Variants in ARMC8 observed in about 807,000 individuals in gnomAD.
The protein encoded by ARMC8 is armadillo repeat-containing protein 8.
A neutral mutation model predicts 99.3 loss-of-function variants in ARMC8; 20 were observed. The observed-to-expected ratio is 0.20, with a 90% CI of 0.14 to 0.29. ARMC8 has a LOEUF of 0.29. ARMC8 is among the 10% of genes least tolerant of loss of function. The pLI, the probability that ARMC8 is intolerant of heterozygous loss-of-function variation, is 1.00. For missense variants in ARMC8, 569 were observed against 809.5 expected, an observed-to-expected ratio of 0.70 and a Z score of 3.60; for synonymous variants, 263 against 278.3, an observed-to-expected ratio of 0.95 and a Z score of 0.55.
chr3:138,264,311 T>C, intron 14 of ARMC8, 99 bp downstream of exon 14: 2 of 868,924 alleles, frequency 2.3e-6, no homozygotes, highest in South Asian at 3.3e-5. Flanking sequence ...ATGTCTGATT[T>C]TTGTGTAGAG....
intron 3 of ARMC8, 145 bp from the exon 4 acceptor site, chr3:138,223,244 C>A: frequency 1.5e-6 from 1 of 656,690 alleles, no homozygotes; most frequent in South Asian, 2.2e-5. Context: ...CTTTAATTAG[C>A]AGATGAGATA....
intron 2 of ARMC8, among the ~76,000 whole-genome samples, chr3:138,218,348 A>G (rs2045198890): frequency 6.6e-6 from 1 of 152,044 alleles, no homozygotes. Context: ...CAAAAATATG[A>G]TTGCTCCTTA....
chr3:138,203,924 C>T (rs1323104077), intron 1 of ARMC8, among the ~76,000 whole-genome samples: 1 of 152,176 alleles, frequency 6.6e-6, no homozygotes, highest in Admixed American at 6.5e-5. Flanking sequence ...GATGGGTTTC[C>T]TGTCAAATTT....
intron 19 of ARMC8, among the ~76,000 whole-genome samples, chr3:138,284,858 A>G (rs1214030926): frequency 6.6e-6 from 1 of 152,156 alleles, no homozygotes; most frequent in Non-Finnish European, 1.5e-5. Flanking sequence ...CTTCAGTCCC[A>G]TGGTGGATGA....
At chr3:138,222,113 C>T (rs1242584454) in intron 3 of ARMC8, 116 bp downstream of exon 3, 1 of 706,856 alleles carries the variant, frequency 1.4e-6, no homozygotes, top group Admixed American at 3.0e-5. Context: ...TAAAATAAAT[C>T]CTATTTTTAA....
At chr3:138,255,601 T>C (rs1004549535) in intron 12 of ARMC8, among the ~76,000 whole-genome samples, 1 of 152,228 alleles carries the variant, frequency 6.6e-6, no homozygotes, top group Admixed American at 6.5e-5. Flanking sequence ...AGAAATACTT[T>C]GTCAAGTGTT....
Position 138,187,598 on chromosome 3 carries a change from C to T in ARMC8, c.44C>T (p.Ser15Leu). Residue 15 changes from serine to leucine, a missense_variant and splice_region_variant, in exon 1 of 22, where the codon TCG (serine) becomes TTG (leucine). Transcript: ENST00000469044. ...LETPIRMSVL[S>L]EVTASSRHYV... Reference sequence around the variant, plus strand: ...ACCCCAATCCGCATGAGCGTCCTTTCGGTGAGTGACCCGCCGCGGCCGCCC... The same window carrying T: ...ACCCCAATCCGCATGAGCGTCCTTTTGGTGAGTGACCCGCCGCGGCCGCCC... 1 of 1,535,634 alleles carries T rather than the reference C, an allele frequency of 6.5e-7. No homozygotes were observed. The highest frequency in any genetic ancestry group is 1.2e-5 in the South Asian group (1 of 84,058).
Position 138,241,897 on chromosome 3 carries a change from G to A in ARMC8, c.952G>A (p.Ala318Thr), listed in dbSNP as rs746896768. 3 of 1,614,012 alleles carry A rather than the reference G, an allele frequency of 1.9e-6. No individual in the cohort carries two copies. Among genetic ancestry groups the A allele is most frequent in the Non-Finnish European group, 2.5e-6 (3 of 1,179,950 alleles). ...ACCAGATGTTGAGCTACAGAGAATCGCTAGCATAACTGATCACCTCATTGC... is the reference window on the plus strand; with the variant it reads ...ACCAGATGTTGAGCTACAGAGAATCACTAGCATAACTGATCACCTCATTGC... ...IEPDVELQRI[A>T]SITDHLIAML... The change falls in exon 11 of 22, where the codon GCT (alanine) becomes ACT (threonine). Residue 318 changes from alanine to threonine, a missense_variant. Transcript: ENST00000469044.
At chr3:138,225,916 T>C (rs1293776375) in intron 5 of ARMC8, among the ~76,000 whole-genome samples, 1 of 152,198 alleles carries the variant, frequency 6.6e-6, no homozygotes, top group African/African-American at 2.4e-5. Context: ...CACTTAATGA[T>C]ACATAAGGTG....
Position 138,296,709 on chromosome 3 carries a change from A to G in ARMC8, c.*817A>G, listed in dbSNP as rs912737148. The G allele has an allele frequency of 1.3e-5, 2 of 152,218 alleles. No homozygotes were observed. The highest frequency in any genetic ancestry group is 2.9e-5 in the Non-Finnish European group (2 of 68,046). The allele number at this position is 152,218 out of a possible 1,614,324, so 9.4% of individuals were successfully genotyped here. A position where few individuals can be genotyped will look rare whatever the true frequency, so the allele number is the denominator to read the frequency against. On this transcript the variant is annotated 3_prime_UTR_variant, in exon 22 of 22. Transcript: ENST00000469044. ...GTAAGTTCTCAGGCTTCCAAGTCAA[A>G]TGGAGAAGTAAAGTGAGGCAACAGA...
At chr3:138,274,322 A>G in intron 17 of ARMC8, 127 bp from the exon 18 acceptor site, 1 of 632,826 alleles carries the variant, frequency 1.6e-6, no homozygotes, top group East Asian at 2.7e-5. Context: ...TTTGGCATCT[A>G]GTTCTATATG....
At chr3:138,203,128 A>G (rs557467490) in intron 1 of ARMC8, among the ~76,000 whole-genome samples, 1 of 152,296 alleles carries the variant, frequency 6.6e-6, no homozygotes, top group South Asian at 2.1e-4. Context: ...ATTAAAGACA[A>G]ACAAAAGGTG....
At chr3:138,267,041 G>A (rs941147583) in intron 14 of ARMC8, 114 bp from the exon 15 acceptor site, 5 of 616,700 alleles carry the variant, frequency 8.1e-6, no homozygotes, top group East Asian at 6.0e-5. Context: ...TCTCCAATAC[G>A]AAGAATCAGG....
At position 138,285,472 on chromosome 3, in the gene ARMC8, G is replaced by A. The variant is rs574441783; in HGVS notation, c.1821+946G>A. Among the ~76,000 whole-genome samples the A allele has an allele frequency of 9.3e-4, 142 of 152,206 alleles. 3 individuals are homozygous for A. The highest frequency in any genetic ancestry group is 3.2e-3 in the African/African-American group (132 of 41,522). ...CTGGCCACTTGAAGTTTCTCAAAAA[G>A]GCCACGTTCTTTCCTTCCTTGGGAC... On this transcript the variant is annotated intron_variant, in intron 19 of 21. Coordinates refer to ENST00000469044, the MANE Select transcript of ARMC8 (RefSeq NM_001363941.2).
intron 18 of ARMC8, among the ~76,000 whole-genome samples, chr3:138,278,427 C>T (rs2049524912): frequency 1.3e-5 from 2 of 151,912 alleles, no homozygotes; most frequent in African/African-American, 4.8e-5. Flanking sequence ...TCGCTTGAAC[C>T]TGGGAAGCAG....
At chr3:138,262,546 T>C in intron 12 of ARMC8, 2 of 1,612,632 alleles carry the variant, frequency 1.2e-6, no homozygotes, top group Non-Finnish European at 1.7e-6. Flanking sequence ...CATTTTAGTC[T>C]AGGTCAGTGA....
intron 17 of ARMC8, among the ~76,000 whole-genome samples, 189 bp from the exon 18 acceptor site, chr3:138,274,260 T>A (rs1005874902): frequency 6.6e-6 from 1 of 151,786 alleles, no homozygotes; most frequent in Non-Finnish European, 1.5e-5. Context: ...TGTGTGTGTG[T>A]ATGACATATT....
At chr3:138,232,195 C>T (rs1053888187) in intron 6 of ARMC8, among the ~76,000 whole-genome samples, 4 of 151,474 alleles carry the variant, frequency 2.6e-5, no homozygotes, top group African/African-American at 9.7e-5. Context: ...AGGCTGGTCT[C>T]GAACTCCTGA....
intron 2 of ARMC8, among the ~76,000 whole-genome samples, chr3:138,215,636 C>T (rs1227350852): frequency 2.6e-5 from 4 of 152,008 alleles, no homozygotes; most frequent in Admixed American, 2.0e-4. Context: ...TTAATATCTA[C>T]CAAAATATTT....
Sources: allele counts gnomAD v4.1 joint callset (sites outside exome capture counted in the v4.1 genomes callset), GRCh38; gene constraint gnomAD v4.1.1; transcripts MANE v1.5; gene names NCBI Gene and HGNC (gene_info 2026-07-23, HGNC 2026-07-21).